MYOM1: variants seen among roughly 807,000 people sequenced by gnomAD.
The protein encoded by MYOM1 is myomesin 1, also known as myomesin-1.
MYOM1 carries 164 observed loss-of-function variants against 205.3 expected under a neutral mutation model. The observed-to-expected ratio is 0.80, with a 90% CI of 0.70 to 0.91. MYOM1 has a LOEUF of 0.91. Among genes scored for constraint, MYOM1 ranks in the 40% least tolerant of loss-of-function variants. MYOM1 has a pLI of 0.00. For missense variants in MYOM1, 2,011 were observed against 2,127.3 expected (o/e 0.95, Z 1.08); for synonymous variants, 772 against 789.4 (o/e 0.98, Z 0.37).
chr18:3,172,444 T>C (rs1405621769), intron 8 of MYOM1, among the ~76,000 whole-genome samples: 2 of 152,002 alleles, frequency 1.3e-5, no homozygotes, highest in Middle Eastern at 3.2e-3. Flanking sequence ...ATTCAGAGGA[T>C]TGTGACGTGA....
intron 5 of MYOM1, among the ~76,000 whole-genome samples, chr18:3,180,131 G>A (rs1414738261): frequency 6.6e-6 from 1 of 152,146 alleles, no homozygotes; most frequent in Non-Finnish European, 1.5e-5. Flanking sequence ...CTCCATGACT[G>A]TAAAAAATGA....
chr18:3,175,860 A>G (rs372701080), intron 6 of MYOM1, among the ~76,000 whole-genome samples, 182 bp downstream of exon 6: 68 of 152,306 alleles, frequency 4.5e-4, no homozygotes, highest in African/African-American at 1.5e-3. Flanking sequence ...TAGTGTGGGT[A>G]TGGTAAGGAT....
At chr18:3,194,335 G>A (rs1331658834) in intron 2 of MYOM1, among the ~76,000 whole-genome samples, 1 of 152,150 alleles carries the variant, frequency 6.6e-6, no homozygotes, top group Admixed American at 6.5e-5. Context: ...AAATTCTTTT[G>A]GGAGCTTATT....
chr18:3,102,051 G>C (rs894627762), intron 23 of MYOM1, among the ~76,000 whole-genome samples: 3 of 142,820 alleles, frequency 2.1e-5, no homozygotes, highest in African/African-American at 5.3e-5. Flanking sequence ...GCCCAGGCTG[G>C]AGTGCAGTGG....
intron 2 of MYOM1, among the ~76,000 whole-genome samples, chr18:3,208,506 G>A (rs1245967168): frequency 6.6e-6 from 1 of 152,080 alleles, no homozygotes; most frequent in African/African-American, 2.4e-5. Flanking sequence ...CTGGGCAACA[G>A]GGCAAGATCC....
chr18:3,151,746 T>G lies in MYOM1; in HGVS notation c.1791A>C (p.Arg597=). The part of the protein sequence containing the change: ...VNKMGIGFPS[R]VSEPVAALDP... Reference sequence around the variant, plus strand: ...CCAGAGCAGCCACGGGCTCGGAAACTCGAGATGGGAAACCTATTCCCATTT... The same window carrying G: ...CCAGAGCAGCCACGGGCTCGGAAACGCGAGATGGGAAACCTATTCCCATTT... Residue 597 remains arginine (R), a synonymous_variant, in exon 12 of 38, where the codon CGA becomes CGC. Coordinates refer to ENST00000356443, the MANE Select transcript of MYOM1 (RefSeq NM_003803.4). The G allele has an allele frequency of 6.2e-7, 1 of 1,613,842 alleles. No individual in the cohort carries two copies. The highest frequency in any genetic ancestry group is 1.1e-5 in the South Asian group (1 of 91,074).
chr18:3,222,233 C>T (rs1209694735), upstream of MYOM1, among the ~76,000 whole-genome samples: 1 of 152,102 alleles, frequency 6.6e-6, no homozygotes, highest in African/African-American at 2.4e-5. Flanking sequence ...CATATGAGCC[C>T]AAGTTTTTCT....
intron 5 of MYOM1, among the ~76,000 whole-genome samples, chr18:3,186,039 T>A (rs1351040276): frequency 6.6e-6 from 1 of 151,762 alleles, no homozygotes; most frequent in Admixed American, 6.6e-5. Context: ...CTACTGAAAA[T>A]ACAAAAATCA....
At chr18:3,176,009 G>A (rs1356037489) in intron 6 of MYOM1, 33 bp downstream of exon 6, 5 of 1,364,322 alleles carry the variant, frequency 3.7e-6, no homozygotes, top group Non-Finnish European at 4.2e-6. Flanking sequence ...CTGAGCAATG[G>A]TGAGCAACAC....
rs1351012643 is a variant in MYOM1, at chr18:3,086,074, G to A, written c.4215C>T (p.Asp1405=). 2 of 1,610,964 alleles carry A rather than the reference G, an allele frequency of 1.2e-6. No individual in the cohort carries two copies. Among genetic ancestry groups the A allele is most frequent in the Non-Finnish European group, 1.7e-6 (2 of 1,178,794 alleles). The change falls in exon 30 of 38, where the codon GAC becomes GAT. Residue 1405 remains aspartate, a synonymous_variant. Transcript: ENST00000356443. ...EREISVDEKH[D]FKDGICTLLI... is the part of the protein sequence containing the mutation. ...GCAGGGTACATATACCATCCTTAAA[G>A]TCATGCTTTTCATCCACTGATATCT...
At position 3,151,805 on chromosome 18, in the gene MYOM1, G is replaced by T; in HGVS notation, c.1732C>A (p.Arg578Ser). The change falls in exon 12 of 38, where the codon CGT becomes AGT. Residue 578 changes from arginine to serine, a missense_variant. By Grantham distance (110) the Arg-to-Ser change is moderately radical. Coordinates refer to ENST00000356443, the MANE Select transcript of MYOM1 (RefSeq NM_003803.4). ...RFPVTGLIEGRSYIFRVRAVN... is the reference protein window; with the variant it reads ...RFPVTGLIEGSSYIFRVRAVN... ...GCTCGAACTCGGAAGATATAGGAAC[G>T]ACCTTCGATCAATCCAGTGACAGGA... is the stretch of plus-strand genomic sequence containing the variant. The T allele has an allele frequency of 6.2e-7, 1 of 1,613,856 alleles. No individual in the cohort carries two copies.
intron 2 of MYOM1, among the ~76,000 whole-genome samples, chr18:3,212,954 T>C (rs1005779823): frequency 2.0e-5 from 3 of 152,214 alleles, no homozygotes; most frequent in African/African-American, 7.2e-5. Context: ...ATATGACCTA[T>C]GAAATTGAGA....
chr18:3,205,869 T>A (rs1176578522), intron 2 of MYOM1, among the ~76,000 whole-genome samples: 1 of 152,138 alleles, frequency 6.6e-6, no homozygotes, highest in South Asian at 2.1e-4. Context: ...ACAAAAAAAA[T>A]TATTGAGTAT....
Position 3,116,285 on chromosome 18 carries a change from G to A in MYOM1, c.3303+46C>T, listed in dbSNP as rs1199829515. Reference sequence around the variant, plus strand: ...CTTGCTAACTTTAAAGTTCGTATTAGTAGAGCAGTTAGTAGAGGAAGCTCT... The same window carrying A: ...CTTGCTAACTTTAAAGTTCGTATTAATAGAGCAGTTAGTAGAGGAAGCTCT... On this transcript the variant is annotated intron_variant, in intron 21 of 37. Transcript: ENST00000356443. 3.2e-6 allele frequency: 5 copies of A among 1,567,630 alleles called. No individual in the cohort carries two copies. The South Asian group carries it at 4.6e-5, about 14-fold the overall frequency.
chr18:3,243,307 A>G, the MYOM1 span, among the ~76,000 whole-genome samples: 1 of 152,228 alleles, frequency 6.6e-6, no homozygotes, highest in Admixed American at 6.5e-5. Flanking sequence ...AATTCCATGT[A>G]TGTAGGCAAA....
intron 37 of MYOM1, among the ~76,000 whole-genome samples, chr18:3,069,190 C>T (rs1460620054): frequency 6.6e-6 from 1 of 152,204 alleles, no homozygotes; most frequent in East Asian, 1.9e-4. Context: ...ACAGCCTCCC[C>T]ACCATTTGTT....
rs1281601055 is a variant in MYOM1 at position 3,131,500 on chromosome 18, A to G, written c.2385-4T>C. 1 of 1,608,968 alleles carries G rather than the reference A, an allele frequency of 6.2e-7. No homozygotes were observed. The highest frequency in any genetic ancestry group is 1.1e-5 in the South Asian group (1 of 89,706). ...CACTAATCCATGACAAGTGAATCTA[A>G]AAGGAAAACAAGTTTTAAAAAATTT... is the stretch of plus-strand genomic sequence containing the variant. On this transcript the variant is annotated splice_region_variant and splice_polypyrimidine_tract_variant and intron_variant, in intron 16 of 37. Transcript: ENST00000356443.
At chr18:3,126,577 C>T (rs1422822391) in intron 19 of MYOM1, 124 bp downstream of exon 19, 7 of 825,228 alleles carry the variant, frequency 8.5e-6, no homozygotes, top group South Asian at 4.6e-5. Flanking sequence ...CATGCCACTG[C>T]AGACAATGGA....
At chr18:3,211,941 G>T (rs2081195505) in intron 2 of MYOM1, among the ~76,000 whole-genome samples, 3 of 152,084 alleles carry the variant, frequency 2.0e-5, no homozygotes, top group Non-Finnish European at 4.4e-5. Flanking sequence ...CAACAACACT[G>T]TTCACAATCC....
Sources: gnomAD v4.1 joint callset for allele counts (sites outside exome capture counted in the v4.1 genomes callset) on GRCh38, gnomAD v4.1.1 for gene constraint, MANE v1.5 for transcripts, NCBI Gene and HGNC (gene_info 2026-07-23, HGNC 2026-07-21) for gene names.